NRG3: variants seen among roughly 807,000 people sequenced by gnomAD.
The protein encoded by NRG3 is neuregulin 3.
In NRG3, 31 loss-of-function variants were observed where a neutral mutation model predicts 66.9. The ratio of observed to expected loss-of-function variants is 0.46; its 90% CI spans 0.35 to 0.63. The LOEUF is 0.63. Among genes scored for constraint, NRG3 ranks in the 20% least tolerant of loss-of-function variants. The pLI, the probability that NRG3 is intolerant of heterozygous loss-of-function variation, is 0.00. For missense variants in NRG3, 910 were observed against 878.9 expected (o/e 1.04, Z -0.45); for synonymous variants, 393 against 359.4 (o/e 1.09, Z -1.06).
chr10:82,890,942 T>G (rs960048898), intron 4 of NRG3, among the ~76,000 whole-genome samples: 2 of 152,150 alleles, frequency 1.3e-5, no homozygotes, highest in Non-Finnish European at 2.9e-5. Context: ...GTGAAGTATC[T>G]GTTAGGTTTC....
chr10:82,026,023 G>A (rs2062285956), intron 1 of NRG3, among the ~76,000 whole-genome samples: 2 of 152,010 alleles, frequency 1.3e-5, no homozygotes, highest in African/African-American at 4.8e-5. Context: ...ATCTTGGCAT[G>A]TGGGTTCCAG....
intron 2 of NRG3, among the ~76,000 whole-genome samples, chr10:82,664,976 T>A (rs1250152338): frequency 6.6e-6 from 1 of 152,190 alleles, no homozygotes; most frequent in African/African-American, 2.4e-5. Flanking sequence ...TCATCAATAC[T>A]CTACAGCTCA....
At chr10:81,997,438 G>A (rs746164282) in intron 1 of NRG3, among the ~76,000 whole-genome samples, 5 of 152,182 alleles carry the variant, frequency 3.3e-5, no homozygotes, top group Non-Finnish European at 5.9e-5. Context: ...AATGGTCACC[G>A]CTGAGGCATC....
At chr10:82,223,678 CA>C (rs2076044203) in intron 1 of NRG3, among the ~76,000 whole-genome samples, 1 of 135,480 alleles carries the variant, frequency 7.4e-6, no homozygotes. Context: ...CACACACACA[CA>C]CACATACACA....
At chr10:82,010,603 A>G (rs775196162) in intron 1 of NRG3, among the ~76,000 whole-genome samples, 2 of 152,186 alleles carry the variant, frequency 1.3e-5, no homozygotes, top group Non-Finnish European at 2.9e-5. Context: ...AAGTTTTCCC[A>G]TAAACAGGAA....
intron 1 of NRG3, among the ~76,000 whole-genome samples, chr10:81,921,618 A>AATG (rs1438616584): frequency 1.3e-5 from 2 of 152,010 alleles, no homozygotes; most frequent in East Asian, 3.9e-4. Flanking sequence ...TTCTTAGGTT[A>AATG]TTTTTGATGA....
At chr10:82,694,504 C>A (rs1334590336) in intron 2 of NRG3, among the ~76,000 whole-genome samples, 1 of 152,072 alleles carries the variant, frequency 6.6e-6, no homozygotes, top group African/African-American at 2.4e-5. Flanking sequence ...CCTGTAATCC[C>A]AGCTCTTTGG....
intron 2 of NRG3, among the ~76,000 whole-genome samples, chr10:82,680,271 C>T (rs1223177086): frequency 1.3e-5 from 2 of 152,092 alleles, no homozygotes; most frequent in African/African-American, 4.8e-5. Flanking sequence ...ATTTGAACCC[C>T]AACAGGCTGG....
intron 1 of NRG3, among the ~76,000 whole-genome samples, chr10:82,230,739 A>C (rs1277650032): frequency 6.6e-6 from 1 of 152,210 alleles, no homozygotes; most frequent in Non-Finnish European, 1.5e-5. Flanking sequence ...TGAAAATGTT[A>C]CAAAGAATAA....
intron 2 of NRG3, among the ~76,000 whole-genome samples, chr10:82,669,338 A>T (rs906702123): frequency 6.6e-6 from 1 of 151,560 alleles, no homozygotes; most frequent in Non-Finnish European, 1.5e-5. Context: ...GACTAGTCCC[A>T]GTACTAAGGT....
chr10:82,791,878 A>G (rs2060603204), intron 3 of NRG3, among the ~76,000 whole-genome samples: 1 of 152,164 alleles, frequency 6.6e-6, no homozygotes, highest in South Asian at 2.1e-4. Context: ...TAAAAAAGTG[A>G]CAGTTCTTCA....
chr10:82,952,082 A>G (rs148279979), intron 5 of NRG3, among the ~76,000 whole-genome samples: 1,800 of 152,338 alleles, frequency 0.012, 11 homozygotes, highest in Middle Eastern at 0.034. Context: ...AATATGCCCT[A>G]AAGTTACCTT....
intron 4 of NRG3, among the ~76,000 whole-genome samples, chr10:82,895,226 T>C (rs1313044579): frequency 1.3e-5 from 2 of 152,200 alleles, no homozygotes; most frequent in Non-Finnish European, 2.9e-5. Context: ...CTATTCCCAC[T>C]GAGCTGTGAA....
intron 1 of NRG3, among the ~76,000 whole-genome samples, chr10:82,316,249 C>T (rs1564787330): frequency 6.6e-6 from 1 of 152,126 alleles, no homozygotes; most frequent in Non-Finnish European, 1.5e-5. Flanking sequence ...TCAAAACACT[C>T]CTATAACTAA....
intron 1 of NRG3, among the ~76,000 whole-genome samples, chr10:82,351,378 G>GA (rs1305676883): frequency 1.3e-5 from 2 of 152,218 alleles, no homozygotes; most frequent in Non-Finnish European, 2.9e-5. Flanking sequence ...ATTAATGCTG[G>GA]AAATCACATT....
intron 1 of NRG3, among the ~76,000 whole-genome samples, chr10:82,222,565 C>T (rs2075989696): frequency 6.6e-6 from 1 of 151,196 alleles, no homozygotes; most frequent in South Asian, 2.2e-4. Flanking sequence ...GTGTGTTTGC[C>T]TCCTGTAGGG....
rs151153721 is a variant in NRG3 at position 82,181,052 on chromosome 10, T to C, written c.824-177687T>C. ...TTAGTTTATCCCATTTGTTGGTGTT[T>C]AATTACTCATAGTAATTTATTATAA... On this transcript the variant is annotated intron_variant, in intron 1 of 8. Transcript: ENST00000372141. Among the ~76,000 whole-genome samples the C allele has an allele frequency of 3.5e-3, 525 of 151,892 alleles. 5 individuals carry two copies. The highest frequency in any genetic ancestry group is 0.012 in the African/African-American group (495 of 41,544).
At chr10:82,975,776 T>A (rs917987786) in intron 7 of NRG3, among the ~76,000 whole-genome samples, 3 of 152,224 alleles carry the variant, frequency 2.0e-5, no homozygotes, top group Non-Finnish European at 2.9e-5. Flanking sequence ...AATAGCTGAT[T>A]GATCAATAGG....
intron 1 of NRG3, among the ~76,000 whole-genome samples, chr10:82,329,307 T>C (rs774333296): frequency 1.5e-4 from 23 of 152,122 alleles, no homozygotes; most frequent in Non-Finnish European, 2.8e-4. Context: ...ATCTCACTTG[T>C]TCTGGGAACT....
Sources: allele counts gnomAD v4.1 joint callset (sites outside exome capture counted in the v4.1 genomes callset), GRCh38; gene constraint gnomAD v4.1.1; transcripts MANE v1.5; gene names NCBI Gene and HGNC (gene_info 2026-07-23, HGNC 2026-07-21).